GPR107: variants seen among roughly 807,000 people sequenced by gnomAD.
The protein encoded by GPR107 is protein GPR107.
In GPR107, 31 loss-of-function variants were observed where a neutral mutation model predicts 75.5. That is an observed-to-expected ratio of 0.41 (90% CI 0.31 to 0.55). GPR107 has a LOEUF of 0.55. GPR107 is among the 20% of genes least tolerant of loss of function. GPR107 has a pLI of 0.26. For synonymous variants in GPR107, 267 were observed against 251.3 expected, an observed-to-expected ratio of 1.06 and a Z score of -0.59; for missense variants, 572 against 665.7, an observed-to-expected ratio of 0.86 and a Z score of 1.55.
Position 130,076,409 on chromosome 9 carries a change from T to C in GPR107, c.256-3T>C, listed in dbSNP as rs1336537336. The C allele has an allele frequency of 6.5e-7, 1 of 1,537,076 alleles. No homozygotes were observed. The highest frequency in any genetic ancestry group is 9.0e-7 in the Non-Finnish European group (1 of 1,109,544). On this transcript the variant is annotated splice_polypyrimidine_tract_variant and splice_region_variant and intron_variant, in intron 2 of 17. Transcript: ENST00000347136. ...TACTTCTACTGTTTTTACTCCCCAT[T>C]AGATTGGATTTAGCCTAGACCGTAC...
chr9:130,054,524 C>A (rs1046874073), intron 1 of GPR107, among the ~76,000 whole-genome samples: 6 of 152,144 alleles, frequency 3.9e-5, no homozygotes, highest in Admixed American at 3.3e-4. Flanking sequence ...TTTCCCATTT[C>A]GGTTTAGGGC....
intron 12 of GPR107, 105 bp downstream of exon 12, chr9:130,101,328 G>A: frequency 1.4e-6 from 1 of 705,732 alleles, no homozygotes; most frequent in Non-Finnish European, 2.6e-6. Context: ...TGAAACCCCA[G>A]CTTCTGCTAG....
Position 130,139,258 on chromosome 9 carries a change from C to G in GPR107, c.*4137C>G, listed in dbSNP as rs1832035378. ...TTGGTATATCAAAAAGATATTCATC[C>G]AGAAAGTACCAAATGTTCTGAAAGA... On this transcript the variant is annotated 3_prime_UTR_variant, in exon 18 of 18. Transcript: ENST00000347136. 6.6e-6 allele frequency: 1 copy of G among 152,176 alleles called. No homozygotes were observed. Among genetic ancestry groups the G allele is most frequent in the African/African-American group, 2.4e-5 (1 of 41,412 alleles). 9.4% of individuals were successfully genotyped at this position (152,176 alleles called of 1,614,324 possible). A position where few individuals can be genotyped will look rare whatever the true frequency, so the allele number is the denominator to read the frequency against.
chr9:130,087,622 G>A (rs1012155636), intron 7 of GPR107, among the ~76,000 whole-genome samples: 21 of 151,946 alleles, frequency 1.4e-4, no homozygotes, highest in Non-Finnish European at 2.6e-4. Flanking sequence ...GAAATGTGGT[G>A]AAACTTCATC....
At position 130,101,144 on chromosome 9, in the gene GPR107, T is replaced by G; in HGVS notation, c.1052T>G (p.Ile351Ser). 6.2e-7 allele frequency: 1 copy of G among 1,610,752 alleles called. No individual in the cohort carries two copies. Residue 351 changes from isoleucine (I) to serine (S), a missense_variant, in exon 12 of 18, where the codon ATT becomes AGT. Physicochemically the swap from Ile to Ser is moderately radical, Grantham distance 142 (BLOSUM62 -2). Coordinates refer to ENST00000347136, the MANE Select transcript of GPR107 (RefSeq NM_020960.5). ...CTACTCTTCATCACCATTGCACTCA[T>G]TGGCACTGGCTGGGCTTTCATTAAG... ...GALLFITIAL[I>S]GTGWAFIKHI...
At chr9:130,065,837 G>C (rs7875527) in intron 1 of GPR107, among the ~76,000 whole-genome samples, 147,180 of 150,458 alleles carry the variant, frequency 0.98, 72,012 homozygotes, top group East Asian at 1. Context: ...CACAAATACT[G>C]TAGAATCGGT....
In GPR107 at chr9:130,104,427, C is replaced by G. The variant is rs1176189359; in HGVS notation, c.1139C>G (p.Ala380Gly). The stretch of plus-strand genomic sequence containing the variant: ...AACTTCTCATGTCTGTAGGTCCTGG[C>G]AAATGTAGCCTACATCATCATAGAG... ...FMIVIPLQVL[A>G]NVAYIIIEST... Residue 380 changes from alanine (A) to glycine (G), a missense_variant, in exon 13 of 18, where the codon GCA (alanine) becomes GGA (glycine). Coordinates refer to ENST00000347136, the MANE Select transcript of GPR107 (RefSeq NM_020960.5). 3 of 1,613,672 alleles carry G rather than the reference C, an allele frequency of 1.9e-6. No individual in the cohort carries two copies. The highest frequency in any genetic ancestry group is 8.5e-7 in the Non-Finnish European group (1 of 1,179,616).
chr9:130,122,769 TC>T (rs966870808), intron 14 of GPR107, among the ~76,000 whole-genome samples: 15 of 152,158 alleles, frequency 9.9e-5, no homozygotes, highest in African/African-American at 3.6e-4. Flanking sequence ...ACACCTGTAA[TC>T]CCAGCACTTT....
intron 9 of GPR107, among the ~76,000 whole-genome samples, chr9:130,096,045 A>G (rs1478328607): frequency 2.0e-4 from 5 of 25,336 alleles, no homozygotes; most frequent in Non-Finnish European, 4.3e-4. Flanking sequence ...GCCCCTCCCA[A>G]CTTCAAGTGT....
chr9:130,097,067 G>T (rs774743008), intron 9 of GPR107, among the ~76,000 whole-genome samples: 1 of 152,100 alleles, frequency 6.6e-6, no homozygotes, highest in Non-Finnish European at 1.5e-5. Flanking sequence ...ATCCCCTGTG[G>T]ATCTGTGCAG....
chr9:130,080,821 G>A (rs1464664422), intron 5 of GPR107, among the ~76,000 whole-genome samples: 1 of 150,352 alleles, frequency 6.7e-6, no homozygotes, highest in East Asian at 1.9e-4. Flanking sequence ...TTATTACTGA[G>A]ACTGTACTTT....
At chr9:130,054,414 C>T (rs879506169) in intron 1 of GPR107, among the ~76,000 whole-genome samples, 2 of 152,220 alleles carry the variant, frequency 1.3e-5, no homozygotes, top group African/African-American at 2.4e-5. Context: ...TTCTTTCTCC[C>T]CTCCAGCTTT....
rs1488946506 is a variant in GPR107 at position 130,053,947 on chromosome 9, G to C, written c.15G>C (p.Ala5=). The change falls in exon 1 of 18, where the codon GCG becomes GCC. Residue 5 remains alanine, a synonymous_variant. Transcript: ENST00000347136. MAAL[A]PVGSPASRGP... ...CTGGAACAAACATGGCCGCTCTGGCGCCCGTCGGCTCCCCCGCCTCCCGCG... is the reference window on the plus strand; with the variant it reads ...CTGGAACAAACATGGCCGCTCTGGCCCCCGTCGGCTCCCCCGCCTCCCGCG... The C allele has an allele frequency of 6.4e-7, 1 of 1,556,448 alleles. No individual in the cohort carries two copies. Among genetic ancestry groups the C allele is most frequent in the South Asian group, 1.2e-5 (1 of 84,726 alleles).
intron 1 of GPR107, among the ~76,000 whole-genome samples, chr9:130,061,108 A>G (rs1469950018): frequency 2.6e-5 from 4 of 152,218 alleles, no homozygotes; most frequent in Admixed American, 2.6e-4. Flanking sequence ...TACTCATTCA[A>G]CAAATACTCT....
intron 1 of GPR107, among the ~76,000 whole-genome samples, chr9:130,066,434 A>G (rs1454941758): frequency 1.3e-5 from 2 of 152,046 alleles, no homozygotes; most frequent in African/African-American, 4.8e-5. Context: ...ATTGTGCCTC[A>G]TCTCGGGCCC....
intron 17 of GPR107, 51 bp downstream of exon 17, chr9:130,128,812 C>CA: frequency 6.4e-7 from 1 of 1,574,788 alleles, no homozygotes; most frequent in Non-Finnish European, 8.7e-7. Context: ...TTGCCTAACA[C>CA]AAAGCAGCAC....
chr9:130,078,379 T>A (rs77462923), intron 4 of GPR107, among the ~76,000 whole-genome samples: 3,345 of 152,082 alleles, frequency 0.022, 54 homozygotes, highest in Middle Eastern at 0.034. Flanking sequence ...ATGAATAAGC[T>A]TCTAAAAAAA....
intron 7 of GPR107, among the ~76,000 whole-genome samples, chr9:130,090,507 C>G (rs972907765): frequency 6.6e-6 from 1 of 152,100 alleles, no homozygotes; most frequent in Non-Finnish European, 1.5e-5. Flanking sequence ...TCACAAATGG[C>G]TAGATCTGTG....
intron 14 of GPR107, among the ~76,000 whole-genome samples, chr9:130,121,319 C>T (rs1047452607): frequency 4.6e-5 from 7 of 152,150 alleles, no homozygotes; most frequent in Non-Finnish European, 1.0e-4. Context: ...CTAACGATAG[C>T]TGATTAGCTA....
Sources: allele counts gnomAD v4.1 joint callset (sites outside exome capture counted in the v4.1 genomes callset), GRCh38; gene constraint gnomAD v4.1.1; transcripts MANE v1.5; gene names NCBI Gene and HGNC (gene_info 2026-07-23, HGNC 2026-07-21).